Variants in FRMPD1 observed in about 807,000 individuals in gnomAD.
FRMPD1 encodes the protein FERM and PDZ domain-containing protein 1.
FRMPD1 carries 76 observed loss-of-function variants against 117.8 expected under a neutral mutation model. That is an observed-to-expected ratio of 0.65 (90% CI 0.54 to 0.78). FRMPD1 has a LOEUF of 0.78. FRMPD1 is among the 30% of genes least tolerant of loss of function. The probability of loss-of-function intolerance (pLI) is 0.00; values close to 1 mark genes in which losing one functional copy is unlikely to be tolerated. For synonymous variants in FRMPD1, 783 were observed against 770.4 expected, an observed-to-expected ratio of 1.02 and a Z score of -0.27; for missense variants, 1,786 against 1,964.5, an observed-to-expected ratio of 0.91 and a Z score of 1.72.
chr9:37,713,757 T>C (rs1195910488), intron 5 of FRMPD1, among the ~76,000 whole-genome samples: 1 of 152,024 alleles, frequency 6.6e-6, no homozygotes, highest in African/African-American at 2.4e-5. Flanking sequence ...ATTCAAGAAA[T>C]CAAACTTGGA....
chr9:37,633,479 T>A, the FRMPD1 span, among the ~76,000 whole-genome samples: 6 of 152,230 alleles, frequency 3.9e-5, no homozygotes, highest in East Asian at 9.6e-4. Context: ...TCCTATTTTT[T>A]AAATAGTTTT....
intron 2 of FRMPD1, among the ~76,000 whole-genome samples, chr9:37,706,003 A>AT (rs1554665455): frequency 6.7e-6 from 1 of 150,346 alleles, no homozygotes; most frequent in African/African-American, 2.4e-5. Context: ...AAATAAATAA[A>AT]AGATTGAAAA....
chr9:37,679,559 A>G (rs1403166951), intron 1 of FRMPD1, among the ~76,000 whole-genome samples: 2 of 152,200 alleles, frequency 1.3e-5, no homozygotes, highest in African/African-American at 4.8e-5. Flanking sequence ...AGCAACCGCT[A>G]ATCTCTTTTC....
At chr9:37,607,144 G>A in the FRMPD1 span, among the ~76,000 whole-genome samples, 2 of 152,006 alleles carry the variant, frequency 1.3e-5, no homozygotes, top group South Asian at 2.1e-4. Context: ...GAGAAATCCC[G>A]TCTCTAATAA....
At chr9:37,645,100 G>GGAAA in the FRMPD1 span, among the ~76,000 whole-genome samples, 61 of 119,582 alleles carry the variant, frequency 5.1e-4, no homozygotes, top group East Asian at 1.3e-3. Flanking sequence ...TGAGCCAGCA[G>GGAAA]AAAAAAAAAA....
the FRMPD1 span, among the ~76,000 whole-genome samples, chr9:37,630,220 C>A: frequency 6.6e-6 from 1 of 152,170 alleles, no homozygotes; most frequent in Non-Finnish European, 1.5e-5. Flanking sequence ...TATTGACTCT[C>A]TAAGAAGCAC....
chr9:37,688,453 G>T (rs1822022731), intron 1 of FRMPD1, among the ~76,000 whole-genome samples: 1 of 151,860 alleles, frequency 6.6e-6, no homozygotes. Context: ...TGGCAGGAGT[G>T]CAAATTGGTA....
chr9:37,692,027 T>G (rs891081374), intron 1 of FRMPD1, among the ~76,000 whole-genome samples: 1 of 152,214 alleles, frequency 6.6e-6, no homozygotes, highest in African/African-American at 2.4e-5. Context: ...TAAGACAGAC[T>G]TTTCACTGTC....
chr9:37,685,529 G>C (rs899035836), intron 1 of FRMPD1, among the ~76,000 whole-genome samples: 9 of 151,966 alleles, frequency 5.9e-5, no homozygotes, highest in Non-Finnish European at 1.3e-4. Context: ...GCGGGCGCCT[G>C]TAGTCCCAGC....
At chr9:37,659,221 C>A (rs1820926271) in intron 1 of FRMPD1, among the ~76,000 whole-genome samples, 1 of 152,176 alleles carries the variant, frequency 6.6e-6, no homozygotes, top group Admixed American at 6.5e-5. Context: ...TCTCTACTTT[C>A]TCTACTTTTG....
At chr9:37,680,113 C>G (rs577660338) in intron 1 of FRMPD1, among the ~76,000 whole-genome samples, 8 of 152,320 alleles carry the variant, frequency 5.3e-5, no homozygotes, top group African/African-American at 1.9e-4. Flanking sequence ...AAAGGCACAG[C>G]CTGGATCCCT....
At chr9:37,686,479 C>T (rs912789194) in intron 1 of FRMPD1, among the ~76,000 whole-genome samples, 6 of 152,214 alleles carry the variant, frequency 3.9e-5, no homozygotes, top group African/African-American at 1.4e-4. Context: ...ATTAGCCCAG[C>T]AATCCAGAGG....
At chr9:37,738,026 T>C (rs1824214882) in intron 14 of FRMPD1, among the ~76,000 whole-genome samples, 1 of 152,176 alleles carries the variant, frequency 6.6e-6, no homozygotes, top group Non-Finnish European at 1.5e-5. Context: ...GGCTTTTGCC[T>C]CAGCACCATT....
At chr9:37,656,120 C>A (rs974662273) in intron 1 of FRMPD1, among the ~76,000 whole-genome samples, 3 of 152,186 alleles carry the variant, frequency 2.0e-5, no homozygotes, top group Non-Finnish European at 2.9e-5. Context: ...CTTTCTACCC[C>A]ACAACCCTTT....
intron 1 of FRMPD1, among the ~76,000 whole-genome samples, chr9:37,678,251 CTTTTTTTT>C (rs34040451): frequency 3.8e-5 from 3 of 79,822 alleles, no homozygotes; most frequent in Non-Finnish European, 4.6e-5. Context: ...GTACTTACCA[CTTTTTTTT>C]TTTTTTTTTT....
chr9:37,731,809 T>G (rs10814612), intron 9 of FRMPD1, among the ~76,000 whole-genome samples: 24,363 of 151,626 alleles, frequency 0.16, 2,124 homozygotes, highest in East Asian at 0.36. Context: ...GGAGGTGGTG[T>G]TTGCATTGAG....
At chr9:37,621,819 G>A in the FRMPD1 span, among the ~76,000 whole-genome samples, 7 of 152,016 alleles carry the variant, frequency 4.6e-5, no homozygotes, top group Admixed American at 6.5e-5. Flanking sequence ...ACAGCTTCTG[G>A]ATGGTGAGGG....
chr9:37,669,630 T>C (rs1199082044), intron 1 of FRMPD1: 1 of 152,172 alleles, frequency 6.6e-6, no homozygotes, highest in East Asian at 1.9e-4. Context: ...TGATTCCCTT[T>C]TTCTGCTTCT....
chr9:37,744,879 C>G lies in FRMPD1; in HGVS notation c.2847C>G (p.Asp949Glu). 6.2e-7 allele frequency: 1 copy of G among 1,614,154 alleles called. No homozygotes were observed. Reference sequence around the variant, plus strand: ...TTTCTGCCATTCGCTTCCGGATTGACCCCAACAATAAAGAGAATTCTGGTG... The same window carrying G: ...TTTCTGCCATTCGCTTCCGGATTGAGCCCAACAATAAAGAGAATTCTGGTG... ...SSISAIRFRI[D>E]PNNKENSGVV... Residue 949 changes from aspartate (D) to glutamate (E), a missense_variant, in exon 16 of 16, where the codon GAC (aspartate) becomes GAG (glutamate). Physicochemically the swap from Asp to Glu is conservative, Grantham distance 45. Transcript: ENST00000377765.
Sources: gnomAD v4.1 joint callset for allele counts (sites outside exome capture counted in the v4.1 genomes callset) on GRCh38, gnomAD v4.1.1 for gene constraint, MANE v1.5 for transcripts, NCBI Gene and HGNC (gene_info 2026-07-23, HGNC 2026-07-21) for gene names.